The following SRSF10 variants were observed in gnomAD, a reference collection of about 807,000 sequenced individuals.
SRSF10 encodes the protein serine/arginine-rich splicing factor 10.
A neutral mutation model predicts 32.6 loss-of-function variants in SRSF10; 9 were observed. That is an observed-to-expected ratio of 0.28 (90% CI 0.17 to 0.48). The LOEUF (loss-of-function observed/expected upper bound fraction) is 0.48, where lower values mean the gene tolerates loss of function less well. SRSF10 is among the 20% of genes least tolerant of loss of function. SRSF10 has a pLI of 0.99. For missense variants in SRSF10, 201 were observed against 331.8 expected, an observed-to-expected ratio of 0.61 and a Z score of 3.06; for synonymous variants, 105 against 112.4, an observed-to-expected ratio of 0.93 and a Z score of 0.42.
intron 2 of SRSF10, chr1:23,977,478 A>G (rs1308477578): frequency 6.6e-6 from 1 of 152,210 alleles, no homozygotes; most frequent in Non-Finnish European, 1.5e-5. Flanking sequence ...TTAAGGGTTT[A>G]TATGTGTCCC....
In SRSF10 at chr1:23,969,840, A is replaced by C. The variant is rs1161860058; in HGVS notation, c.*1302T>G. ...TAATCCTTTTCCCCAAATTACCTTAAATTTCATGGCACCACAGAATCACCT... is the reference window on the plus strand; with the variant it reads ...TAATCCTTTTCCCCAAATTACCTTACATTTCATGGCACCACAGAATCACCT... On this transcript the variant is annotated 3_prime_UTR_variant, in exon 6 of 6. Coordinates refer to ENST00000492112, the MANE Select transcript of SRSF10 (RefSeq NM_054016.4). 59 of 985,294 alleles carry C rather than the reference A, an allele frequency of 6.0e-5. No individual in the cohort carries two copies. Among genetic ancestry groups the C allele is most frequent in the Non-Finnish European group, 7.0e-5 (58 of 829,918 alleles). 61.0% of individuals were successfully genotyped at this position (985,294 alleles called of 1,614,324 possible).
At chr1:23,975,943 AGCT>A (rs1642058901) in intron 2 of SRSF10, 1 of 152,232 alleles carries the variant, frequency 6.6e-6, no homozygotes, top group Non-Finnish European at 1.5e-5. Context: ...TGAGAAGCTA[AGCT>A]GCTTGTCCTC....
At position 23,980,081 on chromosome 1, in the gene SRSF10, C is replaced by T. The variant is rs1007459500; in HGVS notation, c.65+110G>A. On this transcript the variant is annotated intron_variant, in intron 1 of 5. Transcript: ENST00000492112. The stretch of plus-strand genomic sequence containing the variant: ...TCGGCGCCAAAGCGGGCGCGGGACC[C>T]GCCATCTTCACTCCGTCCCCTCCCC... The T allele has an allele frequency of 1.1e-5, 13 of 1,223,604 alleles. No homozygotes were observed. In the Admixed American group the frequency reaches 2.4e-4, roughly 23 times the overall value. 75.8% of individuals were successfully genotyped at this position (1,223,604 alleles called of 1,614,324 possible). A position where few individuals can be genotyped will look rare whatever the true frequency, so the allele number is the denominator to read the frequency against.
chr1:23,967,960 C>CAAAAAA lies in SRSF10; in HGVS notation c.*3176_*3181dup. ...ATTTTTCTTCTTGCTTACTTGGCTT[C>CAAAAAA]AAAAAAAAAAAAAAAATGCAGAGAG... is the stretch of plus-strand genomic sequence containing the variant. On this transcript the variant is annotated 3_prime_UTR_variant, in exon 6 of 6. Transcript: ENST00000492112. 1 of 1,446,954 alleles carries CAAAAAA rather than the reference C, an allele frequency of 6.9e-7. No homozygotes were observed. 89.6% of individuals were successfully genotyped at this position (1,446,954 alleles called of 1,614,324 possible).
In SRSF10 at chr1:23,967,674, TTGAAG is replaced by T; in HGVS notation, c.*3463_*3467del. ...TTCTTTTTCCGCTTTCAGATCTTTCTTGAAGTGTAGTAAGCAGAACTGTACTGGGT... is the reference window on the plus strand; with the variant it reads ...TTCTTTTTCCGCTTTCAGATCTTTCTTGTAGTAAGCAGAACTGTACTGGGT... On this transcript the variant is annotated 3_prime_UTR_variant, in exon 6 of 6. Coordinates refer to ENST00000492112, the MANE Select transcript of SRSF10 (RefSeq NM_054016.4). 6.3e-7 allele frequency: 1 copy of T among 1,586,450 alleles called. No individual in the cohort carries two copies.
rs893699559 is a variant in SRSF10, at chr1:23,964,781, C to A, written c.*6361G>T. On this transcript the variant is annotated 3_prime_UTR_variant, in exon 6 of 6. Transcript: ENST00000492112. ...ACCCAGGTGGTTACAAATCTAAGAG[C>A]AAAATCTTAAAAAAACCCAAGATTT... is the stretch of plus-strand genomic sequence containing the variant. 8 of 151,886 alleles carry A rather than the reference C, an allele frequency of 5.3e-5. No individual in the cohort carries two copies. Among genetic ancestry groups the A allele is most frequent in the African/African-American group, 1.9e-4 (8 of 41,410 alleles). 9.4% of individuals were successfully genotyped at this position (151,886 alleles called of 1,614,324 possible). A position where few individuals can be genotyped will look rare whatever the true frequency, so the allele number is the denominator to read the frequency against.
At position 23,970,902 on chromosome 1, in the gene SRSF10, C is replaced by G. The variant is rs769206392; in HGVS notation, c.*240G>C. 2,316 of 1,215,126 alleles carry G rather than the reference C, an allele frequency of 1.9e-3. 5 individuals carry two copies. Among genetic ancestry groups the G allele is most frequent in the Non-Finnish European group, 2.2e-3 (2,189 of 977,412 alleles). 75.3% of individuals were successfully genotyped at this position (1,215,126 alleles called of 1,614,324 possible). A position where few individuals can be genotyped will look rare whatever the true frequency, so the allele number is the denominator to read the frequency against. On this transcript the variant is annotated 3_prime_UTR_variant, in exon 6 of 6. Transcript: ENST00000492112. The stretch of plus-strand genomic sequence containing the variant: ...TACTTCAAGCATAAAAAATGAGAAT[C>G]TTTACAAAAATATACAGAGACACCA...
rs958478229 is a variant in SRSF10, at chr1:23,974,292, T to C, written c.274+682A>G. ...TATTTTAATCTCTTAATTAGTATCT[T>C]GCCCAAGGTAACATAATGGCTAAGC... On this transcript the variant is annotated intron_variant, in intron 3 of 5. Transcript: ENST00000492112. 6.2e-4 allele frequency among the ~76,000 whole-genome samples: 95 copies of C among 152,336 alleles called. 1 individual carries two copies. The highest frequency in any genetic ancestry group is 2.2e-3 in the African/African-American group (93 of 41,576).
rs1357950897 is a variant in SRSF10, at chr1:23,970,409, G to A, written c.*733C>T. The A allele has an allele frequency of 1.1e-6, 1 of 939,346 alleles. No homozygotes were observed. The highest frequency in any genetic ancestry group is 1.8e-5 in the African/African-American group (1 of 54,280). 58.2% of individuals were successfully genotyped at this position (939,346 alleles called of 1,614,324 possible). ...GGAGTCTCACTCTGTTGCCCAGGCT[G>A]GAGTGCAGTGGCGTGATTTTGGCTC... On this transcript the variant is annotated 3_prime_UTR_variant, in exon 6 of 6. Coordinates refer to ENST00000492112, the MANE Select transcript of SRSF10 (RefSeq NM_054016.4).
At chr1:23,972,931 G>A (rs1484023386) in intron 3 of SRSF10, among the ~76,000 whole-genome samples, 3 of 152,074 alleles carry the variant, frequency 2.0e-5, no homozygotes, top group Non-Finnish European at 4.4e-5. Flanking sequence ...GTGCAGACAG[G>A]GTTTCTCCAT....
rs1641464709 is a variant in SRSF10, at chr1:23,966,643, A to G, written c.*4499T>C. On this transcript the variant is annotated 3_prime_UTR_variant, in exon 6 of 6. Transcript: ENST00000492112. ...ACCCAGTCTCCTTTATACCTAATGC[A>G]AAGTTAAATACTTATTTTGGGGGTT... 6.6e-6 allele frequency: 1 copy of G among 152,060 alleles called. No homozygotes were observed. The highest frequency in any genetic ancestry group is 1.5e-5 in the Non-Finnish European group (1 of 67,906). 9.4% of individuals were successfully genotyped at this position (152,060 alleles called of 1,614,324 possible). A position where few individuals can be genotyped will look rare whatever the true frequency, so the allele number is the denominator to read the frequency against.
intron 1 of SRSF10, 62 bp downstream of exon 1, chr1:23,980,129 G>T: frequency 6.7e-7 from 1 of 1,489,626 alleles, no homozygotes. Flanking sequence ...GCCACCACCA[G>T]GGTCCTCTCC....
rs1233437880 is a variant in SRSF10 at position 23,967,522 on chromosome 1, C to G, written c.*3620G>C. 2 of 533,824 alleles carry G rather than the reference C, an allele frequency of 3.7e-6. No homozygotes were observed. The highest frequency in any genetic ancestry group is 6.7e-6 in the Non-Finnish European group (2 of 296,570). The allele number at this position is 533,824 out of a possible 1,614,324, so 33.1% of individuals were successfully genotyped here. A position where few individuals can be genotyped will look rare whatever the true frequency, so the allele number is the denominator to read the frequency against. ...CTTACTTTCAAACTTGAAGGGACTT[C>G]AATTATTCCATGTAGTTTTCGATAA... On this transcript the variant is annotated 3_prime_UTR_variant, in exon 6 of 6. Transcript: ENST00000492112.
At position 23,970,921 on chromosome 1, in the gene SRSF10, G is replaced by A. The variant is rs370316248; in HGVS notation, c.*221C>T. ...GAGAATCTTTACAAAAATATACAGA[G>A]ACACCACAAATTGGTAGCTGCCCAT... On this transcript the variant is annotated 3_prime_UTR_variant, in exon 6 of 6. Transcript: ENST00000492112. 3 of 1,249,430 alleles carry A rather than the reference G, an allele frequency of 2.4e-6. No homozygotes were observed. Among genetic ancestry groups the A allele is most frequent in the Non-Finnish European group, 2.0e-6 (2 of 997,416 alleles). 77.4% of individuals were successfully genotyped at this position (1,249,430 alleles called of 1,614,324 possible).
chr1:23,970,675 A>G lies in SRSF10; in HGVS notation c.*467T>C. ...CGCCCAGCCGGGCCTAGACATCTTG[A>G]CAAGACATAAAGGTCCACCCTGAAC... On this transcript the variant is annotated 3_prime_UTR_variant, in exon 6 of 6. Coordinates refer to ENST00000492112, the MANE Select transcript of SRSF10 (RefSeq NM_054016.4). The G allele has an allele frequency of 2.0e-6, 2 of 986,998 alleles. No homozygotes were observed. Among genetic ancestry groups the G allele is most frequent in the South Asian group, 4.7e-5 (1 of 21,372 alleles). The allele number at this position is 986,998 out of a possible 1,614,324, so 61.1% of individuals were successfully genotyped here. A position where few individuals can be genotyped will look rare whatever the true frequency, so the allele number is the denominator to read the frequency against.
chr1:23,970,235 C>A lies in SRSF10; in HGVS notation c.*907G>T. 2 of 985,324 alleles carry A rather than the reference C, an allele frequency of 2.0e-6. No individual in the cohort carries two copies. Among genetic ancestry groups the A allele is most frequent in the Non-Finnish European group, 2.4e-6 (2 of 829,920 alleles). The allele number at this position is 985,324 out of a possible 1,614,324, so 61.0% of individuals were successfully genotyped here. A position where few individuals can be genotyped will look rare whatever the true frequency, so the allele number is the denominator to read the frequency against. On this transcript the variant is annotated 3_prime_UTR_variant, in exon 6 of 6. Transcript: ENST00000492112. ...ATCTTCATAGGAACCAGAAAAAAAGCAGTGAAGGCTCCATGTTTCAGTCAA... is the reference window on the plus strand; with the variant it reads ...ATCTTCATAGGAACCAGAAAAAAAGAAGTGAAGGCTCCATGTTTCAGTCAA...
rs1349170478 is a variant in SRSF10 at position 23,972,027 on chromosome 1, G to T, written c.275-15C>A. 6.9e-7 allele frequency: 1 copy of T among 1,456,456 alleles called. No homozygotes were observed. Among genetic ancestry groups the T allele is most frequent in the South Asian group, 1.6e-5 (1 of 63,044 alleles). 90.2% of individuals were successfully genotyped at this position (1,456,456 alleles called of 1,614,324 possible). On this transcript the variant is annotated splice_polypyrimidine_tract_variant and intron_variant, in intron 3 of 5. Coordinates refer to ENST00000492112, the MANE Select transcript of SRSF10 (RefSeq NM_054016.4). ...CTGATTTGGTGCTAGGAAATACAAAGAACAGAAATATTTAAAAATATTAAA... is the reference window on the plus strand; with the variant it reads ...CTGATTTGGTGCTAGGAAATACAAATAACAGAAATATTTAAAAATATTAAA...
chr1:23,973,430 A>T (rs372891759), intron 3 of SRSF10, among the ~76,000 whole-genome samples: 1 of 152,112 alleles, frequency 6.6e-6, no homozygotes, highest in Non-Finnish European at 1.5e-5. Flanking sequence ...CCTGGGCCCA[A>T]GTGATCCTCC....
rs1377427897 is a variant in SRSF10, at chr1:23,968,094, T to C, written c.*3048A>G. ...ATACACAGTAGGTAAACTCAGTAAGTGGGGGACTCAACTACATCACCCAAA... is the reference window on the plus strand; with the variant it reads ...ATACACAGTAGGTAAACTCAGTAAGCGGGGGACTCAACTACATCACCCAAA... On this transcript the variant is annotated 3_prime_UTR_variant, in exon 6 of 6. Coordinates refer to ENST00000492112, the MANE Select transcript of SRSF10 (RefSeq NM_054016.4). 2 of 1,434,320 alleles carry C rather than the reference T, an allele frequency of 1.4e-6. No individual in the cohort carries two copies. The highest frequency in any genetic ancestry group is 2.5e-5 in the East Asian group (1 of 40,362). The allele number at this position is 1,434,320 out of a possible 1,614,324, so 88.8% of individuals were successfully genotyped here. A position where few individuals can be genotyped will look rare whatever the true frequency, so the allele number is the denominator to read the frequency against.
Sources: gnomAD v4.1 joint callset for allele counts (sites outside exome capture counted in the v4.1 genomes callset) on GRCh38, gnomAD v4.1.1 for gene constraint, MANE v1.5 for transcripts, NCBI Gene and HGNC (gene_info 2026-07-23, HGNC 2026-07-21) for gene names.